SGSM2: variants seen among roughly 807,000 people sequenced by gnomAD.
SGSM2 encodes the protein small G protein signaling modulator 2, also known as RUN and TBC1 domain containing 1.
Under a neutral mutation model 126.6 loss-of-function variants are expected in SGSM2, and 89 were observed. That is an observed-to-expected ratio of 0.70 (90% CI 0.59 to 0.84). SGSM2 has a LOEUF of 0.84. SGSM2 is among the 40% of genes least tolerant of loss of function. The pLI is 0.00. For missense variants in SGSM2, 1,404 were observed against 1,416.6 expected (o/e 0.99, Z 0.14); for synonymous variants, 614 against 574.3 (o/e 1.07, Z -0.99).
chr17:2,376,269 G>A lies in SGSM2; in HGVS notation c.2609+8G>A, dbSNP rs1047039532. ...CAGAGACGTCATGTGCAGGTGCCTT[G>A]TGGGGCGGGGCTCAGGGTGGGAGGC... On this transcript the variant is annotated splice_region_variant and intron_variant, in intron 19 of 23. Transcript: ENST00000268989. The A allele has an allele frequency of 2.5e-6, 4 of 1,613,358 alleles. No individual in the cohort carries two copies. The African/African-American group carries it at 4.0e-5, about 16-fold the overall frequency.
rs771400575 is a variant in SGSM2, at chr17:2,362,311, G to A, written c.458+41G>A. 8.3e-6 allele frequency: 13 copies of A among 1,572,144 alleles called. No individual in the cohort carries two copies. Among genetic ancestry groups the A allele is most frequent in the Admixed American group, 3.7e-5 (2 of 54,270 alleles). ...CCCAAAAACTGCAGGTGACCACCCC[G>A]TTCCCCCCAAAACTGCAGGTGACCG... On this transcript the variant is annotated intron_variant, in intron 4 of 23. Transcript: ENST00000268989. This position sits in a 1 kb window ranked among gnomAD's most constrained non-coding sequence, Gnocchi z 4.9.
chr17:2,340,774 CG>C lies in SGSM2; in HGVS notation c.58-2767del, dbSNP rs1275323612. ...TAATTTTTTGTATTTTTAGTAGAGA[CG>C]GGGTTTCACCATGTTAGCCAGGATG... On this transcript the variant is annotated intron_variant, in intron 1 of 23. Coordinates refer to ENST00000268989, the MANE Select transcript of SGSM2 (RefSeq NM_014853.3). 1.9e-4 allele frequency among the ~76,000 whole-genome samples: 28 copies of C among 151,114 alleles called. 1 individual carries two copies. Among genetic ancestry groups the C allele is most frequent in the African/African-American group, 5.6e-4 (23 of 41,212 alleles).
At position 2,367,518 on chromosome 17, in the gene SGSM2, C is replaced by G; in HGVS notation, c.1423+113C>G. On this transcript the variant is annotated intron_variant, in intron 12 of 23. Coordinates refer to ENST00000268989, the MANE Select transcript of SGSM2 (RefSeq NM_014853.3). This position sits in a 1 kb window ranked among gnomAD's most constrained non-coding sequence, Gnocchi z 4.0. ...AGTGTTGGCATTAGGGGACTTGCAC[C>G]CAGGGCAGTTCCCTTCCATCGGGGG... 8.1e-7 allele frequency: 1 copy of G among 1,231,492 alleles called. No individual in the cohort carries two copies. Among genetic ancestry groups the G allele is most frequent in the Non-Finnish European group, 1.1e-6 (1 of 877,020 alleles). 76.3% of individuals were successfully genotyped at this position (1,231,492 alleles called of 1,614,324 possible).
At chr17:2,377,198 G>A in intron 21 of SGSM2, 130 bp downstream of exon 21, 1 of 646,662 alleles carries the variant, frequency 1.5e-6, no homozygotes, top group Non-Finnish European at 2.6e-6. Context: ...TAAAAGACAT[G>A]GTTTCAGCAG....
chr17:2,340,730 G>T (rs563045510), intron 1 of SGSM2, among the ~76,000 whole-genome samples: 5 of 151,628 alleles, frequency 3.3e-5, no homozygotes, highest in East Asian at 3.9e-4. Context: ...GACTACAGGC[G>T]CCTGCCACCA....
At position 2,364,988 on chromosome 17, in the gene SGSM2, G is replaced by A. The variant is rs770518576; in HGVS notation, c.1092G>A (p.Leu364=). Residue 364 remains leucine (L), a synonymous_variant, in exon 10 of 24, where the codon CTG becomes CTA. Transcript: ENST00000268989. Reference sequence around the variant, plus strand: ...AGGGAGGACACCTGCTGTCCTTTCTGTCCTGTCTGGAGAATGGGCTGCTGC... The same window carrying A: ...AGGGAGGACACCTGCTGTCCTTTCTATCCTGTCTGGAGAATGGGCTGCTGC... The part of the protein sequence containing the change: ...FPQGGHLLSF[L]SCLENGLLPR... 2 of 1,613,678 alleles carry A rather than the reference G, an allele frequency of 1.2e-6. No homozygotes were observed. The highest frequency in any genetic ancestry group is 3.3e-5 in the Admixed American group (2 of 60,036).
Position 2,362,101 on chromosome 17 carries a change from CT to C in SGSM2, c.297-5del. On this transcript the variant is annotated splice_region_variant and splice_polypyrimidine_tract_variant and intron_variant, in intron 3 of 23. Transcript: ENST00000268989. The surrounding 1 kb of genome is among the most constrained non-coding windows in gnomAD (Gnocchi z 4.9). Reference sequence around the variant, plus strand: ...ACTGCACTCCTGGAGCCCTCCCCGCCTTTGCAGGAAACCCTCAGGGGTCAGC... The same window carrying C: ...ACTGCACTCCTGGAGCCCTCCCCGCCTTGCAGGAAACCCTCAGGGGTCAGC... 6.2e-7 allele frequency: 1 copy of C among 1,609,204 alleles called. No homozygotes were observed. The highest frequency in any genetic ancestry group is 1.7e-5 in the Admixed American group (1 of 58,876).
At chr17:2,371,199 G>A in intron 12 of SGSM2, 63 bp from the exon 13 acceptor site, 3 of 1,535,934 alleles carry the variant, frequency 2.0e-6, no homozygotes, top group Non-Finnish European at 2.6e-6. Flanking sequence ...GGTGGGCATG[G>A]TGCAGGGTGC....
At chr17:2,365,530 T>C (rs992193805) in intron 11 of SGSM2, among the ~76,000 whole-genome samples, 189 bp downstream of exon 11, 1 of 152,092 alleles carries the variant, frequency 6.6e-6, no homozygotes, top group African/African-American at 2.4e-5. Flanking sequence ...GTGCGTCTCT[T>C]CTACCCAGCT....
Position 2,356,979 on chromosome 17 carries a change from G to A in SGSM2, c.134-4658G>A, listed in dbSNP as rs2447109. Among the ~76,000 whole-genome samples the A allele has an allele frequency of 6.3e-4, 45 of 71,116 alleles. 8 individuals carry two copies. The highest frequency in any genetic ancestry group is 1.4e-3 in the Non-Finnish European group (33 of 24,394). 46.7% of individuals were successfully genotyped at this position (71,116 alleles called of 152,430 possible). ...GTGGAATTGGGGTGTAAGGGTTAGG[G>A]AAGGGACCCCATATCTTAGAATGGT... On this transcript the variant is annotated intron_variant, in intron 2 of 23. Coordinates refer to ENST00000268989, the MANE Select transcript of SGSM2 (RefSeq NM_014853.3).
intron 16 of SGSM2, 41 bp downstream of exon 16, chr17:2,373,122 G>A (rs1209200730): frequency 7.5e-6 from 12 of 1,607,862 alleles, no homozygotes; most frequent in East Asian, 2.2e-5. Context: ...GAGATGGGGA[G>A]CTGGGCCAGG....
In SGSM2 at chr17:2,372,267, C is replaced by T. The variant is rs368736195; in HGVS notation, c.1642+13C>T. 7.0e-5 allele frequency: 113 copies of T among 1,612,506 alleles called. No individual in the cohort carries two copies. The highest frequency in any genetic ancestry group is 4.7e-4 in the African/African-American group (35 of 74,896). On this transcript the variant is annotated intron_variant, in intron 14 of 23. Coordinates refer to ENST00000268989, the MANE Select transcript of SGSM2 (RefSeq NM_014853.3). This position sits in a 1 kb window ranked among gnomAD's most constrained non-coding sequence, Gnocchi z 6.0. Reference sequence around the variant, plus strand: ...GCCTTCTACGGCTGTGAGTGTGGGGCGCGCCGGGCTGTGGCGGGCTGGGGG... The same window carrying T: ...GCCTTCTACGGCTGTGAGTGTGGGGTGCGCCGGGCTGTGGCGGGCTGGGGG...
chr17:2,361,679 C>T lies in SGSM2; in HGVS notation c.176C>T (p.Ala59Val), dbSNP rs200865639. The T allele has an allele frequency of 5.6e-6, 9 of 1,614,016 alleles. No homozygotes were observed. The highest frequency in any genetic ancestry group is 1.7e-4 in the Middle Eastern group (1 of 6,044). Residue 59 changes from alanine (A) to valine (V), a missense_variant, in exon 3 of 24, where the codon GCC (alanine) becomes GTC (valine). Transcript: ENST00000268989. Reference sequence around the variant, plus strand: ...CTCTTGCATCAGCTGAGACGCCGTGCCGCTGGCTTCCTGCGCAGTGACAAG... The same window carrying T: ...CTCTTGCATCAGCTGAGACGCCGTGTCGCTGGCTTCCTGCGCAGTGACAAG... ...ACLLHQLRRR[A>V]AGFLRSDKMA...
rs1328946637 is a variant in SGSM2, at chr17:2,367,734, CCAGA to C, written c.1423+334_1423+337del. ...ACTCCGGGGGTCAGGCTGGCAAATGCCAGACAGAGGTCTCTTCCTTTCTCTCTGC... is the reference window on the plus strand; with the variant it reads ...ACTCCGGGGGTCAGGCTGGCAAATGCCAGAGGTCTCTTCCTTTCTCTCTGC... On this transcript the variant is annotated intron_variant, in intron 12 of 23. Transcript: ENST00000268989. The surrounding 1 kb of genome is among the most constrained non-coding windows in gnomAD (Gnocchi z 4.0). Among the ~76,000 whole-genome samples the C allele has an allele frequency of 2.6e-5, 4 of 152,218 alleles. No individual in the cohort carries two copies. The highest frequency in any genetic ancestry group is 5.9e-5 in the Non-Finnish European group (4 of 68,042).
At chr17:2,377,821 G>A in intron 21 of SGSM2, 36 bp from the exon 22 acceptor site, 1 of 1,410,884 alleles carries the variant, frequency 7.1e-7, no homozygotes, top group South Asian at 1.2e-5. Flanking sequence ...CATCGGCTCA[G>A]GGCTCAGCCT....
At chr17:2,353,061 G>A (rs1268779001) in intron 2 of SGSM2, among the ~76,000 whole-genome samples, 1 of 152,030 alleles carries the variant, frequency 6.6e-6, no homozygotes, top group Non-Finnish European at 1.5e-5. Flanking sequence ...ACAGGCGTGA[G>A]CCACCGCGCC....
In SGSM2 at chr17:2,371,322, A is replaced by G. The variant is rs1260447097; in HGVS notation, c.1484A>G (p.Glu495Gly). The change falls in exon 13 of 24, where the codon GAG becomes GGG. Residue 495 changes from glutamate (E) to glycine (G), a missense_variant. Glu to Gly is a moderately conservative substitution (Grantham distance 98). Coordinates refer to ENST00000268989, the MANE Select transcript of SGSM2 (RefSeq NM_014853.3). ...CCCAGCCTGCCAGCCTGGCACCTGG[A>G]GCCCCTGTGCAGTCAGGGCTCCTCC... is the stretch of plus-strand genomic sequence containing the variant. Reference protein sequence around the residue: ...FGPSLPAWHLEPLCSQGSSCL... With the variant: ...FGPSLPAWHLGPLCSQGSSCL... 5 of 1,612,360 alleles carry G rather than the reference A, an allele frequency of 3.1e-6. No homozygotes were observed. Among genetic ancestry groups the G allele is most frequent in the Middle Eastern group, 1.7e-4 (1 of 5,960 alleles).
Position 2,339,496 on chromosome 17 carries a change from G to A in SGSM2, c.57+1751G>A, listed in dbSNP as rs370522672. Among the ~76,000 whole-genome samples, 424 of 151,798 alleles carry A rather than the reference G, an allele frequency of 2.8e-3. 3 individuals carry two copies. The highest frequency in any genetic ancestry group is 9.3e-3 in the East Asian group (48 of 5,176). On this transcript the variant is annotated intron_variant, in intron 1 of 23. Coordinates refer to ENST00000268989, the MANE Select transcript of SGSM2 (RefSeq NM_014853.3). The stretch of plus-strand genomic sequence containing the variant: ...TCCTAGCACTTTGGGAGGCTGGGAC[G>A]GGCGGATCACGAGGTCAGGAGATCG...
chr17:2,357,721 C>G (rs1301422820), intron 2 of SGSM2, among the ~76,000 whole-genome samples: 1 of 152,200 alleles, frequency 6.6e-6, no homozygotes, highest in Admixed American at 6.5e-5. Context: ...TGATCTCGAA[C>G]TCCTGACCTC....
Sources: allele counts gnomAD v4.1 joint callset (sites outside exome capture counted in the v4.1 genomes callset), GRCh38; gene constraint gnomAD v4.1.1; non-coding constraint Gnocchi (gnomAD v3.1); transcripts MANE v1.5; gene names NCBI Gene and HGNC (gene_info 2026-07-23, HGNC 2026-07-21).